LAMC1: variants seen among roughly 807,000 people sequenced by gnomAD.
LAMC1 encodes the protein laminin subunit gamma 1.
LAMC1 carries 38 observed loss-of-function variants against 173.6 expected under a neutral mutation model. That is an observed-to-expected ratio of 0.22 (90% CI 0.17 to 0.29). LAMC1 has a LOEUF of 0.29. Among genes scored for constraint, LAMC1 ranks in the 10% least tolerant of loss-of-function variants. LAMC1 has a pLI of 1.00. For missense variants in LAMC1, 1,824 were observed against 2,051.8 expected (o/e 0.89, Z 2.14); for synonymous variants, 746 against 749.1 (o/e 1.00, Z 0.07).
chr1:183,078,025 T>A (rs1655165341), intron 1 of LAMC1, among the ~76,000 whole-genome samples: 1 of 152,034 alleles, frequency 6.6e-6, no homozygotes, highest in Non-Finnish European at 1.5e-5. Flanking sequence ...TGTGTGTGTT[T>A]GTGTGTTTGC....
intron 8 of LAMC1, 31 bp from the exon 9 acceptor site, chr1:183,117,289 A>C (rs373029035): frequency 3.8e-6 from 6 of 1,590,610 alleles, no homozygotes; most frequent in African/African-American, 1.3e-5. Flanking sequence ...TTACAGTGTA[A>C]AGTGCTTGTG....
chr1:183,050,949 C>G lies in LAMC1; in HGVS notation c.418+26815C>G, dbSNP rs1166251261. Among the ~76,000 whole-genome samples the G allele has an allele frequency of 3.3e-5, 5 of 151,102 alleles. No homozygotes were observed. In the East Asian group the frequency reaches 9.7e-4, roughly 29 times the overall value. On this transcript the variant is annotated intron_variant, in intron 1 of 27. Coordinates refer to ENST00000258341, the MANE Select transcript of LAMC1 (RefSeq NM_002293.4). ...TAAAAGACGTGGATATTTTTAAGGC[C>G]TTTAGATGTTACAGTCCTAAATTCT...
chr1:183,121,846 T>A lies in LAMC1; in HGVS notation c.2114T>A (p.Leu705His). Residue 705 changes from leucine (L) to histidine (H), a missense_variant, in exon 12 of 28, where the codon CTC becomes CAC. Leu to His is a moderately conservative substitution (Grantham distance 99). Transcript: ENST00000258341. Reference protein sequence around the residue: ...GYGGQFCEMCLSGYRRETPNL... With the variant: ...GYGGQFCEMCHSGYRRETPNL... ...GGAGGGCAGTTTTGTGAGATGTGCC[T>A]CTCAGGTTACAGAAGAGAAACTCCT... 1 of 1,614,176 alleles carries A rather than the reference T, an allele frequency of 6.2e-7. No homozygotes were observed. The highest frequency in any genetic ancestry group is 8.5e-7 in the Non-Finnish European group (1 of 1,180,030).
intron 1 of LAMC1, among the ~76,000 whole-genome samples, chr1:183,051,147 C>G (rs531806493): frequency 3.4e-4 from 51 of 152,178 alleles, no homozygotes; most frequent in Non-Finnish European, 6.5e-4. Flanking sequence ...AAGATGACCA[C>G]AGATGCTTTG....
chr1:183,023,825 A>G lies in LAMC1; in HGVS notation c.109A>G (p.Met37Val), dbSNP rs1323687140. ...CGCGGCGGGCTGTGCCCAGGCAGCC[A>G]TGGACGAGTGCACGGACGAGGGCGG... Reference protein sequence around the residue: ...AAAAGCAQAAMDECTDEGGRP... With the variant: ...AAAAGCAQAAVDECTDEGGRP... The change falls in exon 1 of 28, where the codon ATG becomes GTG. Residue 37 changes from methionine (M) to valine (V), a missense_variant. By Grantham distance (21) the Met-to-Val change is conservative. Transcript: ENST00000258341. 4 of 1,586,690 alleles carry G rather than the reference A, an allele frequency of 2.5e-6. No individual in the cohort carries two copies. In the South Asian group the frequency reaches 3.5e-5, roughly 14 times the overall value.
intron 16 of LAMC1, 109 bp from the exon 17 acceptor site, chr1:183,127,117 T>TAA: frequency 1.0e-6 from 1 of 998,532 alleles, no homozygotes; most frequent in Non-Finnish European, 1.4e-6. Context: ...TTCAAAAAAA[T>TAA]TATGACAGTA....
At chr1:183,076,810 A>G (rs1209458203) in intron 1 of LAMC1, among the ~76,000 whole-genome samples, 2 of 152,258 alleles carry the variant, frequency 1.3e-5, no homozygotes, top group Non-Finnish European at 2.9e-5. Context: ...ACATTTGTGT[A>G]GAAAATCACT....
intron 1 of LAMC1, among the ~76,000 whole-genome samples, chr1:183,072,335 A>G (rs547374607): frequency 6.6e-6 from 1 of 152,298 alleles, no homozygotes; most frequent in African/African-American, 2.4e-5. Context: ...AGCTCTTTGA[A>G]TATCTTAAAC....
chr1:183,140,379 T>C (rs372634077), intron 26 of LAMC1, 25 bp from the exon 27 acceptor site: 9 of 1,477,500 alleles, frequency 6.1e-6, no homozygotes, highest in South Asian at 1.1e-5. Context: ...CAGTCAAGAC[T>C]CTTTGCCTCA....
chr1:183,125,319 ATC>A, intron 14 of LAMC1, 76 bp from the exon 15 acceptor site: 1 of 1,474,010 alleles, frequency 6.8e-7, no homozygotes, highest in Non-Finnish European at 9.5e-7. Flanking sequence ...GGTCTAAAGA[ATC>A]TCTTTAGGTT....
rs148961869 is a variant in LAMC1 at position 183,135,045 on chromosome 1, G to A, written c.4003G>A (p.Ala1335Thr). ...CTCATCTGCCATGTGTTTGCAGACC[G>A]CAGACCAACTCCTAGCCCGAGCTGA... ...LEKGKTEQQTADQLLARADAA... is the reference protein window; with the variant it reads ...LEKGKTEQQTTDQLLARADAA... Residue 1335 changes from alanine (A) to threonine (T), a missense_variant, in exon 24 of 28, where the codon GCA (alanine) becomes ACA (threonine). By Grantham distance (58) the Ala-to-Thr change is moderately conservative. Transcript: ENST00000258341. 66 of 1,612,594 alleles carry A rather than the reference G, an allele frequency of 4.1e-5. No individual in the cohort carries two copies. Among genetic ancestry groups the A allele is most frequent in the Non-Finnish European group, 5.1e-5 (60 of 1,178,704 alleles).
rs115203534 is a variant in LAMC1, at chr1:183,045,543, C to G, written c.418+21409C>G. The stretch of plus-strand genomic sequence containing the variant: ...GTAGTTCATTCATTTGCATTCCTGT[C>G]TAGTTAAGATTATACTACACCTAAG... On this transcript the variant is annotated intron_variant, in intron 1 of 27. Coordinates refer to ENST00000258341, the MANE Select transcript of LAMC1 (RefSeq NM_002293.4). Among the ~76,000 whole-genome samples, 897 of 152,112 alleles carry G rather than the reference C, an allele frequency of 5.9e-3. 1 individual carries two copies. Among genetic ancestry groups the G allele is most frequent in the Non-Finnish European group, 9.7e-3 (656 of 67,922 alleles).
chr1:183,100,449 G>A (rs745768583), intron 1 of LAMC1, among the ~76,000 whole-genome samples: 1 of 152,168 alleles, frequency 6.6e-6, no homozygotes, highest in East Asian at 1.9e-4. Flanking sequence ...AGCCACTTCT[G>A]TAGTTCTAGC....
intron 1 of LAMC1, among the ~76,000 whole-genome samples, chr1:183,077,633 A>C (rs948333773): frequency 6.6e-6 from 1 of 151,878 alleles, no homozygotes; most frequent in South Asian, 2.1e-4. Flanking sequence ...TAGCTCCCAC[A>C]TATCAGTGAG....
At chr1:183,129,234 T>G (rs1184104084) in intron 18 of LAMC1, among the ~76,000 whole-genome samples, 3 of 125,066 alleles carry the variant, frequency 2.4e-5, no homozygotes, top group African/African-American at 8.5e-5. Context: ...TACAGGCACA[T>G]GCCCACCATG....
intron 1 of LAMC1, among the ~76,000 whole-genome samples, chr1:183,044,761 A>G (rs1047884737): frequency 5.3e-5 from 8 of 152,104 alleles, no homozygotes; most frequent in Non-Finnish European, 8.8e-5. Context: ...ACTGAAACCA[A>G]CCACAAAATT....
intron 1 of LAMC1, among the ~76,000 whole-genome samples, chr1:183,099,898 A>G (rs574753640): frequency 1.3e-5 from 2 of 152,030 alleles, no homozygotes; most frequent in African/African-American, 4.8e-5. Context: ...TCATCTTCCC[A>G]TCCTGCCCCT....
intron 1 of LAMC1, among the ~76,000 whole-genome samples, chr1:183,058,108 A>G (rs990592822): frequency 2.6e-5 from 4 of 152,198 alleles, no homozygotes; most frequent in Non-Finnish European, 5.9e-5. Context: ...TCTATGATGT[A>G]GTTTTCTAAA....
At chr1:183,056,919 T>C (rs989719403) in intron 1 of LAMC1, among the ~76,000 whole-genome samples, 2 of 151,858 alleles carry the variant, frequency 1.3e-5, no homozygotes, top group Non-Finnish European at 2.9e-5. Flanking sequence ...TTTACTTTAG[T>C]TGGTAGGTAT....
Sources: gnomAD v4.1 joint callset for allele counts (sites outside exome capture counted in the v4.1 genomes callset) on GRCh38, gnomAD v4.1.1 for gene constraint, MANE v1.5 for transcripts, NCBI Gene and HGNC (gene_info 2026-07-23, HGNC 2026-07-21) for gene names.